APBB2: variants seen among roughly 807,000 people sequenced by gnomAD.
APBB2 encodes Fe65-like 1.
Under a neutral mutation model 82.5 loss-of-function variants are expected in APBB2, and 38 were observed. That is an observed-to-expected ratio of 0.46 (90% CI 0.36 to 0.60). The LOEUF (loss-of-function observed/expected upper bound fraction) is 0.60, where lower values mean the gene tolerates loss of function less well. Among genes scored for constraint, APBB2 ranks in the 20% least tolerant of loss-of-function variants. The probability of loss-of-function intolerance (pLI) is 0.00; values close to 1 mark genes in which losing one functional copy is unlikely to be tolerated. For synonymous variants in APBB2, 341 were observed against 368.2 expected, an observed-to-expected ratio of 0.93 and a Z score of 0.85; for missense variants, 772 against 972.3, an observed-to-expected ratio of 0.79 and a Z score of 2.74.
rs565344516 is a variant in APBB2 at position 40,898,464 on chromosome 4, C to T, written c.1255-5053G>A. Among the ~76,000 whole-genome samples the T allele has an allele frequency of 1.9e-3, 285 of 152,224 alleles. 2 individuals are homozygous for T. Among genetic ancestry groups the T allele is most frequent in the African/African-American group, 6.5e-3 (272 of 41,546 alleles). On this transcript the variant is annotated intron_variant, in intron 10 of 17. Coordinates refer to ENST00000508593, the MANE Select transcript of APBB2 (RefSeq NM_004307.2). ...CTTTTTAGTAGAGACGGGGTTTCAC[C>T]ATGTTGGCCAGGCTGGTCTCAAACT...
At chr4:40,842,744 C>T (rs1456637032) in intron 12 of APBB2, among the ~76,000 whole-genome samples, 2 of 152,190 alleles carry the variant, frequency 1.3e-5, no homozygotes, top group African/African-American at 4.8e-5. Flanking sequence ...CAATAAAAAA[C>T]ATACAGAAAC....
At chr4:41,153,247 A>C (rs950169327) in intron 1 of APBB2, among the ~76,000 whole-genome samples, 1 of 152,100 alleles carries the variant, frequency 6.6e-6, no homozygotes, top group Non-Finnish European at 1.5e-5. Flanking sequence ...GATTTTGGAG[A>C]GGTCTTAGTT....
intron 6 of APBB2, among the ~76,000 whole-genome samples, chr4:40,961,663 G>T (rs139912339): frequency 2.3e-4 from 1 of 4,364 alleles, no homozygotes; most frequent in African/African-American, 7.7e-4. Context: ...AAAAAAAAAA[G>T]ATGTAAAAAA....
At chr4:41,000,956 A>G (rs1045558145) in intron 6 of APBB2, among the ~76,000 whole-genome samples, 2 of 152,216 alleles carry the variant, frequency 1.3e-5, no homozygotes, top group Non-Finnish European at 2.9e-5. Flanking sequence ...GTTCTGGAGA[A>G]AGGGAAGAGC....
At chr4:41,086,184 A>G (rs2153943642) in intron 3 of APBB2, among the ~76,000 whole-genome samples, 1 of 152,284 alleles carries the variant, frequency 6.6e-6, no homozygotes, top group South Asian at 2.1e-4. Context: ...GTAATCAAAA[A>G]CCTCCCAACA....
intron 7 of APBB2, among the ~76,000 whole-genome samples, chr4:40,937,751 T>G (rs1785738362): frequency 6.6e-6 from 1 of 152,246 alleles, no homozygotes; most frequent in African/African-American, 2.4e-5. Flanking sequence ...TAATTTTTCT[T>G]TTTTAAAAAA....
At chr4:41,109,130 A>G (rs1748266236) in intron 2 of APBB2, among the ~76,000 whole-genome samples, 1 of 152,104 alleles carries the variant, frequency 6.6e-6, no homozygotes, top group African/African-American at 2.4e-5. Flanking sequence ...GTCCCGCACC[A>G]TGGTTCTCGC....
rs146702738 is a variant in APBB2 at position 40,827,310 on chromosome 4, C to T, written c.1645-91G>A. 6.7e-5 allele frequency: 73 copies of T among 1,091,626 alleles called. No homozygotes were observed. The African/African-American group carries it at 8.8e-4, about 13-fold the overall frequency. The allele number at this position is 1,091,626 out of a possible 1,614,324, so 67.6% of individuals were successfully genotyped here. A position where few individuals can be genotyped will look rare whatever the true frequency, so the allele number is the denominator to read the frequency against. ...CTGTAAAGTGTCTAGGTTGACTTCA[C>T]TTCCAAGTTAGATCAGCTTTAGTCT... is the stretch of plus-strand genomic sequence containing the variant. On this transcript the variant is annotated intron_variant, in intron 13 of 17. Coordinates refer to ENST00000508593, the MANE Select transcript of APBB2 (RefSeq NM_004307.2).
At chr4:41,032,778 CTTTTTTTTTT>C (rs11421268) in intron 5 of APBB2, among the ~76,000 whole-genome samples, 3 of 84,318 alleles carry the variant, frequency 3.6e-5, no homozygotes, top group Non-Finnish European at 6.2e-5. Context: ...ATTTTTCTTT[CTTTTTTTTTT>C]TTTTTTTTTT....
chr4:41,156,836 C>T lies in APBB2; in HGVS notation c.-416-13694G>A, dbSNP rs547558975. On this transcript the variant is annotated intron_variant, in intron 1 of 17. Transcript: ENST00000508593. The stretch of plus-strand genomic sequence containing the variant: ...ATCTCAGCACTTTGTGAGGCCAAGA[C>T]GGATGAATCATCTGAGGTTAGGAGT... Among the ~76,000 whole-genome samples the T allele has an allele frequency of 2.0e-5, 3 of 151,922 alleles. No individual in the cohort carries two copies. In the East Asian group the frequency reaches 5.8e-4, roughly 29 times the overall value.
At chr4:40,903,395 A>C (rs535941787) in intron 10 of APBB2, among the ~76,000 whole-genome samples, 1 of 152,310 alleles carries the variant, frequency 6.6e-6, no homozygotes, top group Non-Finnish European at 1.5e-5. Context: ...TGAACTCAGG[A>C]GGCAGAGGTT....
At chr4:40,901,730 G>A (rs940146260) in intron 10 of APBB2, among the ~76,000 whole-genome samples, 1 of 152,112 alleles carries the variant, frequency 6.6e-6, no homozygotes, top group Admixed American at 6.5e-5. Context: ...GGCTGGTCTC[G>A]AACTCCTGAC....
intron 16 of APBB2, among the ~76,000 whole-genome samples, chr4:40,822,902 G>A (rs532240365): frequency 6.6e-6 from 1 of 152,178 alleles, no homozygotes; most frequent in Non-Finnish European, 1.5e-5. Flanking sequence ...TGCTTGCGAT[G>A]ATGCTGGTGT....
intron 6 of APBB2, among the ~76,000 whole-genome samples, chr4:40,957,723 G>A (rs1792051315): frequency 1.3e-5 from 2 of 151,964 alleles, no homozygotes; most frequent in South Asian, 4.2e-4. Context: ...AGCTGGGATT[G>A]CAGGCGCCTA....
At position 40,815,858 on chromosome 4, in the gene APBB2, C is replaced by A. The variant is rs979984329; in HGVS notation, c.*234G>T. On this transcript the variant is annotated 3_prime_UTR_variant, in exon 18 of 18. Transcript: ENST00000508593. ...CACAATATTTACAATAAGAAAAAGACCTTCCACTGCGCATGATGTAACTTA... is the reference window on the plus strand; with the variant it reads ...CACAATATTTACAATAAGAAAAAGAACTTCCACTGCGCATGATGTAACTTA... The A allele has an allele frequency of 6.1e-6, 3 of 488,948 alleles. No homozygotes were observed. Among genetic ancestry groups the A allele is most frequent in the Non-Finnish European group, 1.1e-5 (3 of 272,618 alleles). 30.3% of individuals were successfully genotyped at this position (488,948 alleles called of 1,614,324 possible).
At chr4:40,833,279 ATT>A (rs1752690800) in intron 12 of APBB2, among the ~76,000 whole-genome samples, 1 of 152,198 alleles carries the variant, frequency 6.6e-6, no homozygotes, top group Non-Finnish European at 1.5e-5. Context: ...CTCTGGGTGG[ATT>A]TTAAGAGTTC....
chr4:40,982,934 G>T (rs1311542332), intron 6 of APBB2, among the ~76,000 whole-genome samples: 1 of 152,206 alleles, frequency 6.6e-6, no homozygotes, highest in Non-Finnish European at 1.5e-5. Flanking sequence ...CCTCTCTAGG[G>T]AACTGCGATG....
In APBB2 at chr4:40,843,450, A is replaced by G. The variant is rs1331207287; in HGVS notation, c.1530-12873T>C. Among the ~76,000 whole-genome samples, 5 of 21,184 alleles carry G rather than the reference A, an allele frequency of 2.4e-4. No individual in the cohort carries two copies. The Admixed American group carries it at 3.7e-3, about 16-fold the overall frequency. 13.9% of individuals were successfully genotyped at this position (21,184 alleles called of 152,430 possible). On this transcript the variant is annotated intron_variant, in intron 12 of 17. Transcript: ENST00000508593. The stretch of plus-strand genomic sequence containing the variant: ...AAACAAAGCCAAGCTGTTTTTATAA[A>G]ACAAGCATGGTCTTATAAAAACAAC...
chr4:40,840,088 G>T (rs1391236935), intron 12 of APBB2, among the ~76,000 whole-genome samples: 1 of 152,174 alleles, frequency 6.6e-6, no homozygotes, highest in Non-Finnish European at 1.5e-5. Flanking sequence ...CAAAGGGCAG[G>T]TCCCATCTGC....
Sources: gnomAD v4.1 joint callset for allele counts (sites outside exome capture counted in the v4.1 genomes callset) on GRCh38, gnomAD v4.1.1 for gene constraint, MANE v1.5 for transcripts, NCBI Gene and HGNC (gene_info 2026-07-23, HGNC 2026-07-21) for gene names.